Variants in TENM3 observed in about 807,000 individuals in gnomAD.
TENM3 encodes the protein teneurin-3.
TENM3 carries 63 observed loss-of-function variants against 255.1 expected under a neutral mutation model. The observed-to-expected ratio is 0.25, with a 90% confidence interval of 0.20 to 0.30. TENM3 has a LOEUF of 0.30. Ranked by LOEUF, TENM3 falls within the 10% of genes least tolerant of loss-of-function variation. The pLI, the probability that TENM3 is intolerant of heterozygous loss-of-function variation, is 1.00. For synonymous variants in TENM3, 1,306 were observed against 1,322.3 expected (o/e 0.99, Z 0.27); for missense variants, 2,929 against 3,461.1 (o/e 0.85, Z 3.86).
At chr4:181,568,162 C>CTTT in the TENM3 span, among the ~76,000 whole-genome samples, 3 of 128,040 alleles carry the variant, frequency 2.3e-5, no homozygotes, top group Admixed American at 8.1e-5. Flanking sequence ...CCAACTAATA[C>CTTT]TTTTTTTTTT....
upstream of TENM3, among the ~76,000 whole-genome samples, chr4:182,243,042 T>A (rs1054376884): frequency 2.0e-5 from 3 of 152,244 alleles, no homozygotes; most frequent in African/African-American, 7.2e-5. Context: ...GTAGAGAGGC[T>A]ACAATGAATT....
At chr4:182,287,627 T>A (rs1300911896) in intron 1 of TENM3, among the ~76,000 whole-genome samples, 3 of 152,148 alleles carry the variant, frequency 2.0e-5, no homozygotes, top group Non-Finnish European at 4.4e-5. Flanking sequence ...TTATTTATTT[T>A]TTTTGAGACT....
chr4:181,930,815 C>A, the TENM3 span, among the ~76,000 whole-genome samples: 1 of 152,180 alleles, frequency 6.6e-6, no homozygotes, highest in Admixed American at 6.5e-5. Context: ...AGCTTATCCA[C>A]CATGATCCCG....
the TENM3 span, among the ~76,000 whole-genome samples, chr4:181,691,765 T>A: frequency 1.3e-5 from 2 of 152,180 alleles, no homozygotes; most frequent in East Asian, 3.9e-4. Context: ...ACACTACAAA[T>A]CTAATTCACA....
At position 182,789,044 on chromosome 4, in the gene TENM3, G is replaced by A. The variant is rs374903150; in HGVS notation, c.5305-49G>A. On this transcript the variant is annotated intron_variant, in intron 24 of 27. Coordinates refer to ENST00000511685, the MANE Select transcript of TENM3 (RefSeq NM_001080477.4). This position sits in a 1 kb window ranked among gnomAD's most constrained non-coding sequence, Gnocchi z 4.4. ...TGTTTAAACAATACTGGGGACTCCG[G>A]TGTTGGAATAACATGATTTATTTTA... The A allele has an allele frequency of 3.4e-5, 50 of 1,489,974 alleles. No homozygotes were observed. The highest frequency in any genetic ancestry group is 4.4e-5 in the Non-Finnish European group (48 of 1,100,372). 92.3% of individuals were successfully genotyped at this position (1,489,974 alleles called of 1,614,324 possible). A position where few individuals can be genotyped will look rare whatever the true frequency, so the allele number is the denominator to read the frequency against.
At chr4:182,415,123 T>G (rs532342648) in intron 3 of TENM3, among the ~76,000 whole-genome samples, 1 of 152,186 alleles carries the variant, frequency 6.6e-6, no homozygotes, top group Non-Finnish European at 1.5e-5. Context: ...TCCAGAAGCC[T>G]ATAGATTTCA....
intron 12 of TENM3, among the ~76,000 whole-genome samples, chr4:182,712,606 A>T (rs1408892567): frequency 1.3e-5 from 2 of 152,188 alleles, no homozygotes; most frequent in Non-Finnish European, 2.9e-5. Context: ...GAGACAGTCG[A>T]AATAGTCTTC....
At chr4:182,030,934 C>T in the TENM3 span, among the ~76,000 whole-genome samples, 1 of 151,950 alleles carries the variant, frequency 6.6e-6, no homozygotes. Context: ...TGTTTAAATT[C>T]CTTGTAAATT....
intron 19 of TENM3, among the ~76,000 whole-genome samples, chr4:182,750,512 C>T (rs115824050): frequency 0.01 from 1,551 of 152,216 alleles, 30 homozygotes; most frequent in African/African-American, 0.035. Flanking sequence ...TGATAAAGTA[C>T]AGCTATTCAG....
At chr4:182,262,955 C>T (rs1029950370) in intron 1 of TENM3, among the ~76,000 whole-genome samples, 19 of 152,018 alleles carry the variant, frequency 1.2e-4, no homozygotes, top group Admixed American at 5.2e-4. Flanking sequence ...CCTCGTGATC[C>T]GCCTGCCTCG....
the TENM3 span, among the ~76,000 whole-genome samples, chr4:181,534,617 G>A: frequency 6.6e-5 from 10 of 152,200 alleles, no homozygotes; most frequent in Admixed American, 2.0e-4. Context: ...AAAACTTTCC[G>A]GACTGCCCAG....
chr4:182,246,100 G>A (rs1303246619), intron 1 of TENM3, among the ~76,000 whole-genome samples: 1 of 152,236 alleles, frequency 6.6e-6, no homozygotes. Flanking sequence ...CTATGGCAGA[G>A]GGTGGCACCT....
At chr4:181,819,475 C>T in the TENM3 span, among the ~76,000 whole-genome samples, 1 of 152,154 alleles carries the variant, frequency 6.6e-6, no homozygotes, top group East Asian at 1.9e-4. Context: ...AACAGATATG[C>T]TATAATCTCA....
the TENM3 span, among the ~76,000 whole-genome samples, chr4:182,046,374 A>C: frequency 2.0e-5 from 3 of 152,028 alleles, no homozygotes; most frequent in Non-Finnish European, 4.4e-5. Context: ...AAATTTGATC[A>C]ATCTACTAAG....
At chr4:182,513,716 C>T (rs1737650555) in intron 3 of TENM3, among the ~76,000 whole-genome samples, 1 of 152,150 alleles carries the variant, frequency 6.6e-6, no homozygotes, top group African/African-American at 2.4e-5. Flanking sequence ...CTTGCTGACC[C>T]TGGAGGGACT....
intron 24 of TENM3, among the ~76,000 whole-genome samples, chr4:182,779,912 T>C (rs1248052339): frequency 1.3e-5 from 2 of 152,118 alleles, no homozygotes; most frequent in African/African-American, 4.8e-5. Context: ...GGTTGTTTTT[T>C]TCTTGTAAAT....
the TENM3 span, among the ~76,000 whole-genome samples, chr4:181,533,736 T>TAAA: frequency 3.7e-4 from 53 of 144,010 alleles, no homozygotes; most frequent in African/African-American, 1.3e-3. Context: ...GCCTTTAAAT[T>TAAA]AAAAAAAAAA....
chr4:181,619,713 G>A, the TENM3 span, among the ~76,000 whole-genome samples: 2 of 152,116 alleles, frequency 1.3e-5, no homozygotes. Flanking sequence ...ACAGACATGA[G>A]CCACTGTACC....
At chr4:182,523,652 A>C (rs553007611) in intron 3 of TENM3, among the ~76,000 whole-genome samples, 7 of 152,310 alleles carry the variant, frequency 4.6e-5, no homozygotes, top group East Asian at 1.9e-4. Flanking sequence ...CCCCAAGAAG[A>C]AGCTCTGGGC....
Sources: allele counts gnomAD v4.1 joint callset (sites outside exome capture counted in the v4.1 genomes callset), GRCh38; gene constraint gnomAD v4.1.1; non-coding constraint Gnocchi (gnomAD v3.1); transcripts MANE v1.5; gene names NCBI Gene and HGNC (gene_info 2026-07-23, HGNC 2026-07-21).